Variants in SCN7A observed in about 807,000 individuals in gnomAD.
SCN7A encodes the protein sodium voltage-gated channel alpha subunit 7, also known as sodium channel protein type 7 subunit alpha.
SCN7A carries 138 observed loss-of-function variants against 155.2 expected under a neutral mutation model. The ratio of observed to expected loss-of-function variants is 0.89; its 90% CI spans 0.77 to 1.02. The LOEUF (loss-of-function observed/expected upper bound fraction) is 1.02. Ranked by LOEUF, SCN7A falls within the 50% of genes least tolerant of loss-of-function variation. The pLI is 0.00. For synonymous variants in SCN7A, 693 were observed against 649.0 expected (o/e 1.07, Z -1.03); for missense variants, 2,058 against 1,986.6 (o/e 1.04, Z -0.68).
intron 2 of SCN7A, among the ~76,000 whole-genome samples, chr2:166,479,809 T>G (rs1702880102): frequency 6.6e-6 from 1 of 152,120 alleles, no homozygotes; most frequent in Non-Finnish European, 1.5e-5. Context: ...GCAATAGCAG[T>G]GGTTTCTTAT....
In SCN7A at chr2:166,477,587, T is replaced by G. The variant is rs555701146; in HGVS notation, c.110A>C (p.Asp37Ala). Reference sequence around the variant, plus strand: ...TTCCAAATCAGGAGTTGGCTTTAAGTCTTCTTCTTCATGGTCTTCATTATG... The same window carrying G: ...TTCCAAATCAGGAGTTGGCTTTAAGGCTTCTTCTTCATGGTCTTCATTATG... ...KTHNEDHEEE[D>A]LKPTPDLEVG... is the part of the protein sequence containing the mutation. Residue 37 changes from aspartate to alanine, a missense_variant, in exon 3 of 26, where the codon GAC becomes GCC. By Grantham distance (126) the Asp-to-Ala change is moderately radical. Coordinates refer to ENST00000643258, the MANE Select transcript of SCN7A (RefSeq NM_002976.4). The G allele has an allele frequency of 3.8e-5, 60 of 1,591,432 alleles. 2 individuals carry two copies. In the South Asian group the frequency reaches 6.2e-4, roughly 17 times the overall value.
chr2:166,447,826 T>C, intron 11 of SCN7A, 118 bp from the exon 12 acceptor site: 1 of 676,944 alleles, frequency 1.5e-6, no homozygotes, highest in Non-Finnish European at 2.6e-6. Flanking sequence ...TTTCTTTTTA[T>C]TAAATTGATA....
rs547592999 is a variant in SCN7A at position 166,476,394 on chromosome 2, A to C, written c.234+1069T>G. On this transcript the variant is annotated intron_variant, in intron 3 of 25. Coordinates refer to ENST00000643258, the MANE Select transcript of SCN7A (RefSeq NM_002976.4). ...ATCAAATTACGTTTGCTATGAAGCT[A>C]ATCATCACCTCCCTCGAATTTGATA... is the stretch of plus-strand genomic sequence containing the variant. Among the ~76,000 whole-genome samples, 3 of 152,168 alleles carry C rather than the reference A, an allele frequency of 2.0e-5. No individual in the cohort carries two copies. The South Asian group carries it at 6.2e-4, about 32-fold the overall frequency.
intron 6 of SCN7A, 98 bp from the exon 7 acceptor site, chr2:166,470,804 T>A: frequency 2.0e-6 from 2 of 985,486 alleles, no homozygotes; most frequent in Non-Finnish European, 2.9e-6. Flanking sequence ...TAAAACCATA[T>A]ATGCAAACAT....
rs1479426181 is a variant in SCN7A at position 166,470,602 on chromosome 2, T to C, written c.664+13A>G. The C allele has an allele frequency of 3.8e-6, 6 of 1,587,348 alleles. No individual in the cohort carries two copies. The South Asian group carries it at 5.7e-5, about 15-fold the overall frequency. ...AACAAAATGAAGAAAAGACATTCAATGCAATTTCTTACCTTGATTTAAAGG... is the reference window on the plus strand; with the variant it reads ...AACAAAATGAAGAAAAGACATTCAACGCAATTTCTTACCTTGATTTAAAGG... On this transcript the variant is annotated intron_variant, in intron 7 of 25. Transcript: ENST00000643258.
intron 1 of SCN7A, among the ~76,000 whole-genome samples, chr2:166,491,622 G>T (rs1409012810): frequency 6.6e-6 from 1 of 152,062 alleles, no homozygotes; most frequent in South Asian, 2.1e-4. Context: ...GACCTCACTT[G>T]TCTGGTTGGT....
At chr2:166,449,990 T>A (rs1702143514) in intron 11 of SCN7A, among the ~76,000 whole-genome samples, 1 of 152,086 alleles carries the variant, frequency 6.6e-6, no homozygotes, top group Non-Finnish European at 1.5e-5. Context: ...ATATAAATCA[T>A]TCTACCAAAA....
chr2:166,427,321 G>A (rs2105402276), intron 18 of SCN7A, among the ~76,000 whole-genome samples: 1 of 152,156 alleles, frequency 6.6e-6, no homozygotes, highest in Non-Finnish European at 1.5e-5. Context: ...AAGATTCTGA[G>A]CGCAGAGTTA....
chr2:166,432,347 T>C lies in SCN7A; in HGVS notation c.2563A>G (p.Ser855Gly), dbSNP rs752320123. 1.2e-6 allele frequency: 2 copies of C among 1,611,546 alleles called. No individual in the cohort carries two copies. Among genetic ancestry groups the C allele is most frequent in the Non-Finnish European group, 8.5e-7 (1 of 1,178,952 alleles). ...TTGCTGCCTCCATCACCAGACTTAC[T>C]CTGAATCTCCTTATTATCCAGATTT... ...IENLDNKEIQ[S>G]KSGDGGSKEK... The change falls in exon 16 of 26, where the codon AGT becomes GGT. Residue 855 changes from serine (S) to glycine (G), a missense_variant. Transcript: ENST00000643258.
chr2:166,478,613 TCAAA>T (rs775313904), intron 2 of SCN7A, among the ~76,000 whole-genome samples: 116 of 151,556 alleles, frequency 7.7e-4, no homozygotes, highest in Non-Finnish European at 1.3e-3. Flanking sequence ...AAATAAAAAC[TCAAA>T]CTAATTATCT....
chr2:166,432,987 C>T lies in SCN7A; in HGVS notation c.2158-235G>A, dbSNP rs1701766737. 1.3e-5 allele frequency among the ~76,000 whole-genome samples: 2 copies of T among 152,076 alleles called. 1 individual carries two copies. Among genetic ancestry groups the T allele is most frequent in the Admixed American group, 1.3e-4 (2 of 15,240 alleles). Reference sequence around the variant, plus strand: ...GTCCTTTGATCAACAGCTCCTCAATCTCCACTTTCCCCTAACCACCCCAGC... The same window carrying T: ...GTCCTTTGATCAACAGCTCCTCAATTTCCACTTTCCCCTAACCACCCCAGC... On this transcript the variant is annotated intron_variant, in intron 15 of 25. Coordinates refer to ENST00000643258, the MANE Select transcript of SCN7A (RefSeq NM_002976.4).
chr2:166,413,353 A>G (rs1222020185), intron 21 of SCN7A, among the ~76,000 whole-genome samples: 1 of 152,096 alleles, frequency 6.6e-6, no homozygotes, highest in Non-Finnish European at 1.5e-5. Context: ...GACTAGAAAA[A>G]GATAAATAGA....
chr2:166,469,966 A>G (rs1702618250), intron 7 of SCN7A, among the ~76,000 whole-genome samples: 1 of 151,894 alleles, frequency 6.6e-6, no homozygotes, highest in Non-Finnish European at 1.5e-5. Context: ...ATTTCATAAC[A>G]CTTCTGAATT....
intron 9 of SCN7A, among the ~76,000 whole-genome samples, chr2:166,464,624 T>C (rs1702487351): frequency 6.6e-6 from 1 of 152,186 alleles, no homozygotes; most frequent in Admixed American, 6.5e-5. Context: ...TTTTAATTTT[T>C]TTTTAAATGG....
In SCN7A at chr2:166,414,036, ATATT is replaced by A. The variant is rs1189601785; in HGVS notation, c.3415-919_3415-916del. 9.5e-4 allele frequency among the ~76,000 whole-genome samples: 87 copies of A among 91,836 alleles called. 1 individual carries two copies. The highest frequency in any genetic ancestry group is 1.5e-3 in the Non-Finnish European group (73 of 47,692). 60.2% of individuals were successfully genotyped at this position (91,836 alleles called of 152,430 possible). A position where few individuals can be genotyped will look rare whatever the true frequency, so the allele number is the denominator to read the frequency against. On this transcript the variant is annotated intron_variant, in intron 21 of 25. Transcript: ENST00000643258. ...TATATATATGTAAATATATATAAAT[ATATT>A]TATATATGTAAATATATAAAAATAT...
At chr2:166,412,503 G>C in intron 23 of SCN7A, 27 bp downstream of exon 23, 1 of 1,388,274 alleles carries the variant, frequency 7.2e-7, no homozygotes, top group South Asian at 1.8e-5. Flanking sequence ...CTCAGACATT[G>C]GATAAACAAA....
chr2:166,475,080 GTATATATATATACACATATATATGTATA>G (rs1250258187), intron 3 of SCN7A, among the ~76,000 whole-genome samples: 5 of 85,884 alleles, frequency 5.8e-5, no homozygotes, highest in African/African-American at 1.5e-4. Context: ...TTATATTTGT[GTATATATATATACACATATATATGTATA>G]TATATATATA....
intron 1 of SCN7A, among the ~76,000 whole-genome samples, chr2:166,490,593 G>A (rs1011800750): frequency 1.3e-4 from 19 of 151,882 alleles, no homozygotes; most frequent in African/African-American, 4.1e-4. Flanking sequence ...AACGCTATTC[G>A]GACTTTTAAA....
At chr2:166,475,137 T>TATAC (rs1553520569) in intron 3 of SCN7A, among the ~76,000 whole-genome samples, 7 of 133,856 alleles carry the variant, frequency 5.2e-5, no homozygotes, top group South Asian at 2.4e-4. Context: ...TATATATATA[T>TATAC]ACACACACAC....
Sources: allele counts gnomAD v4.1 joint callset (sites outside exome capture counted in the v4.1 genomes callset), GRCh38; gene constraint gnomAD v4.1.1; transcripts MANE v1.5; gene names NCBI Gene and HGNC (gene_info 2026-07-23, HGNC 2026-07-21).